MACROD1: variants seen among roughly 807,000 people sequenced by gnomAD.
The protein encoded by MACROD1 is mono-ADP ribosylhydrolase 1.
A neutral mutation model predicts 41.4 loss-of-function variants in MACROD1; 31 were observed. That is an observed-to-expected ratio of 0.75 (90% CI 0.56 to 1.01). The LOEUF (loss-of-function observed/expected upper bound fraction) is 1.01. Among genes scored for constraint, MACROD1 ranks in the 50% least tolerant of loss-of-function variants. The pLI is 0.00. For missense variants in MACROD1, 473 were observed against 460.0 expected (o/e 1.03, Z -0.26); for synonymous variants, 252 against 203.4 (o/e 1.24, Z -2.03).
In MACROD1 at chr11:64,067,377, T is replaced by A. The variant is rs1944024141; in HGVS notation, c.518-52096A>T. 6.6e-6 allele frequency among the ~76,000 whole-genome samples: 1 copy of A among 152,078 alleles called. No homozygotes were observed. The highest frequency in any genetic ancestry group is 2.1e-4 in the South Asian group (1 of 4,822). ...TCGGGCAAAATAGCAGCTGCTGACG[T>A]GAAAATGAAATATAGATTCAATACC... On this transcript the variant is annotated intron_variant, in intron 3 of 10. Coordinates refer to ENST00000255681, the MANE Select transcript of MACROD1 (RefSeq NM_014067.4). This position sits in a 1 kb window ranked among gnomAD's most constrained non-coding sequence, Gnocchi z 4.6.
chr11:64,028,618 G>T (rs940352751), intron 3 of MACROD1, among the ~76,000 whole-genome samples: 10 of 152,204 alleles, frequency 6.6e-5, no homozygotes, highest in Non-Finnish European at 1.3e-4. Flanking sequence ...GGCAGCGGCA[G>T]CGTGCTGGTT....
intron 3 of MACROD1, among the ~76,000 whole-genome samples, chr11:64,054,864 T>C (rs758706255): frequency 6.6e-6 from 1 of 152,044 alleles, no homozygotes; most frequent in Non-Finnish European, 1.5e-5. Context: ...AAGGGAATTC[T>C]AGCATCTCCC....
chr11:64,072,416 G>A (rs547966286), intron 3 of MACROD1, among the ~76,000 whole-genome samples: 2 of 147,974 alleles, frequency 1.4e-5, no homozygotes, highest in Non-Finnish European at 3.1e-5. Flanking sequence ...AGCTGATCCG[G>A]CTCATTTAAA....
intron 2 of MACROD1, among the ~76,000 whole-genome samples, 196 bp from the exon 3 acceptor site, chr11:64,151,551 C>A (rs1458899533): frequency 1.3e-5 from 2 of 152,210 alleles, no homozygotes; most frequent in Admixed American, 1.3e-4. Flanking sequence ...CACGCGGGGA[C>A]TCCTTGCATC....
chr11:64,145,687 A>T (rs1334243782), intron 3 of MACROD1, among the ~76,000 whole-genome samples: 1 of 152,144 alleles, frequency 6.6e-6, no homozygotes. Context: ...AAAGCCTTTC[A>T]TCCATCTCTG....
chr11:64,129,939 G>T (rs1191979893), intron 3 of MACROD1, among the ~76,000 whole-genome samples: 1 of 152,108 alleles, frequency 6.6e-6, no homozygotes, highest in Non-Finnish European at 1.5e-5. Flanking sequence ...CCGGGTGGTT[G>T]GGGGGCCGTG....
At chr11:64,125,656 G>A (rs1243351010) in intron 3 of MACROD1, among the ~76,000 whole-genome samples, 8 of 152,228 alleles carry the variant, frequency 5.3e-5, no homozygotes, top group African/African-American at 1.7e-4. Flanking sequence ...TCCACGTGTT[G>A]CCAGCTGTGA....
Position 64,166,111 on chromosome 11 carries a change from C to A in MACROD1, c.-117G>T. The A allele has an allele frequency of 8.7e-7, 1 of 1,155,274 alleles. No individual in the cohort carries two copies. The highest frequency in any genetic ancestry group is 1.1e-6 in the Non-Finnish European group (1 of 919,372). 71.6% of individuals were successfully genotyped at this position (1,155,274 alleles called of 1,614,324 possible). ...GCGACTGCCAGCCAGCGGCGACCTG[C>A]TCGGAGCCAGCGGGAGGCGCGGCCA... On this transcript the variant is annotated 5_prime_UTR_variant, in exon 1 of 11. Coordinates refer to ENST00000255681, the MANE Select transcript of MACROD1 (RefSeq NM_014067.4).
chr11:64,050,261 C>T (rs1158525059), intron 3 of MACROD1, among the ~76,000 whole-genome samples: 1 of 152,168 alleles, frequency 6.6e-6, no homozygotes, highest in African/African-American at 2.4e-5. Flanking sequence ...GGACCTGAGA[C>T]CCCGAGAGAT....
intron 3 of MACROD1, among the ~76,000 whole-genome samples, chr11:64,031,174 C>T (rs1237448981): frequency 6.6e-6 from 1 of 152,128 alleles, no homozygotes; most frequent in Non-Finnish European, 1.5e-5. Flanking sequence ...CTGCCTTGGG[C>T]CCCTCCCTGC....
At chr11:64,115,948 C>T (rs532008781) in intron 3 of MACROD1, among the ~76,000 whole-genome samples, 22 of 152,314 alleles carry the variant, frequency 1.4e-4, no homozygotes, top group African/African-American at 4.8e-4. Flanking sequence ...AGGAGGGCCG[C>T]GGCAGCACGG....
At chr11:64,100,703 G>A (rs970065866) in intron 3 of MACROD1, among the ~76,000 whole-genome samples, 15 of 152,208 alleles carry the variant, frequency 9.9e-5, no homozygotes, top group Non-Finnish European at 2.2e-4. Flanking sequence ...CTGCTGGAGA[G>A]CTCACACCTC....
At chr11:64,132,918 C>T (rs1565252780) in intron 3 of MACROD1, among the ~76,000 whole-genome samples, 1 of 152,172 alleles carries the variant, frequency 6.6e-6, no homozygotes, top group Admixed American at 6.5e-5. Flanking sequence ...AGCAGCTTGC[C>T]CAAGGCAATG....
intron 3 of MACROD1, chr11:64,117,179 C>T: frequency 6.2e-7 from 1 of 1,614,078 alleles, no homozygotes; most frequent in Non-Finnish European, 8.5e-7. Flanking sequence ...TGTCCAACAA[C>T]AACCTGACCA....
intron 3 of MACROD1, among the ~76,000 whole-genome samples, chr11:64,035,395 G>C (rs1037485138): frequency 1.3e-5 from 2 of 152,080 alleles, no homozygotes; most frequent in East Asian, 3.9e-4. Context: ...GTGGACGGAT[G>C]AATGAATGAA....
Position 63,998,604 on chromosome 11 carries a change from G to A in MACROD1, c.*114C>T. The stretch of plus-strand genomic sequence containing the variant: ...AGGCTCCTCGGGGGCGGGGCGCGGA[G>A]GGAAAGAAGGGGTGGCCAGGCCCAG... On this transcript the variant is annotated 3_prime_UTR_variant, in exon 11 of 11. Transcript: ENST00000255681. 1 of 1,279,230 alleles carries A rather than the reference G, an allele frequency of 7.8e-7. No individual in the cohort carries two copies. Among genetic ancestry groups the A allele is most frequent in the South Asian group, 2.9e-5 (1 of 35,086 alleles). The allele number at this position is 1,279,230 out of a possible 1,614,324, so 79.2% of individuals were successfully genotyped here.
intron 3 of MACROD1, among the ~76,000 whole-genome samples, chr11:64,048,573 A>G (rs538257312): frequency 9.8e-4 from 150 of 152,310 alleles, no homozygotes; most frequent in African/African-American, 3.2e-3. Context: ...AGGATGGTTA[A>G]TAACAGTCAT....
chr11:64,013,661 C>G (rs1272755622), intron 4 of MACROD1, among the ~76,000 whole-genome samples: 1 of 152,120 alleles, frequency 6.6e-6, no homozygotes, highest in African/African-American at 2.4e-5. Context: ...AAAGGCCCAC[C>G]CCCTTTGTGA....
At chr11:64,025,509 GC>G (rs1265483126) in intron 3 of MACROD1, among the ~76,000 whole-genome samples, 1 of 152,186 alleles carries the variant, frequency 6.6e-6, no homozygotes, top group Non-Finnish European at 1.5e-5. Flanking sequence ...AACAGCAGAA[GC>G]CCCCTCCCTG....
Sources: allele counts gnomAD v4.1 joint callset (sites outside exome capture counted in the v4.1 genomes callset), GRCh38; gene constraint gnomAD v4.1.1; non-coding constraint Gnocchi (gnomAD v3.1); transcripts MANE v1.5; gene names NCBI Gene and HGNC (gene_info 2026-07-23, HGNC 2026-07-21).